PLCB4: variants seen among roughly 807,000 people sequenced by gnomAD.
PLCB4 encodes the protein phospholipase C beta 4.
PLCB4 carries 77 observed loss-of-function variants against 178.8 expected under a neutral mutation model. The ratio of observed to expected loss-of-function variants is 0.43; its 90% confidence interval spans 0.36 to 0.52. The LOEUF (loss-of-function observed/expected upper bound fraction) is 0.52. PLCB4 is among the 20% of genes least tolerant of loss of function. The pLI is 0.00. For missense variants in PLCB4, 1,024 were observed against 1,453.4 expected, an observed-to-expected ratio of 0.70 and a Z score of 4.80; for synonymous variants, 496 against 490.8, an observed-to-expected ratio of 1.01 and a Z score of -0.14.
At chr20:9,404,854 G>T (rs996766604) in intron 20 of PLCB4, among the ~76,000 whole-genome samples, 1 of 152,074 alleles carries the variant, frequency 6.6e-6, no homozygotes, top group Non-Finnish European at 1.5e-5. Flanking sequence ...TCTTGGCTTG[G>T]CCCTCATGAC....
chr20:9,429,598 G>GT (rs1198861152), intron 28 of PLCB4, among the ~76,000 whole-genome samples: 2 of 152,198 alleles, frequency 1.3e-5, no homozygotes, highest in Admixed American at 1.3e-4. Flanking sequence ...AGTTACACAA[G>GT]TAGGTAAGTA....
At chr20:9,331,531 C>T (rs2031649271) in intron 4 of PLCB4, among the ~76,000 whole-genome samples, 1 of 152,158 alleles carries the variant, frequency 6.6e-6, no homozygotes, top group South Asian at 2.1e-4. Flanking sequence ...TTAGCTGTAT[C>T]CCCATCCAAG....
chr20:9,356,641 C>A (rs1164739012), intron 7 of PLCB4, among the ~76,000 whole-genome samples: 3 of 152,204 alleles, frequency 2.0e-5, no homozygotes, highest in Non-Finnish European at 4.4e-5. Flanking sequence ...TGTCTTATTT[C>A]TCTTGAATGC....
chr20:9,211,451 G>T (rs895793280), intron 2 of PLCB4, among the ~76,000 whole-genome samples: 1 of 152,184 alleles, frequency 6.6e-6, no homozygotes, highest in Non-Finnish European at 1.5e-5. Context: ...CCCTGCCTCA[G>T]ACCTACAGTC....
At chr20:9,180,904 A>G (rs1320166305) in intron 2 of PLCB4, among the ~76,000 whole-genome samples, 2 of 152,242 alleles carry the variant, frequency 1.3e-5, no homozygotes, top group East Asian at 3.8e-4. Context: ...ACAAAAATAA[A>G]CAAATGTCCT....
intron 28 of PLCB4, 121 bp from the exon 29 acceptor site, chr20:9,435,439 A>G (rs968521553): frequency 1.7e-6 from 1 of 600,066 alleles, no homozygotes; most frequent in Non-Finnish European, 2.9e-6. Context: ...ATGTCCTAGG[A>G]AAAGATTATT....
intron 3 of PLCB4, among the ~76,000 whole-genome samples, chr20:9,262,928 C>T (rs1156338755): frequency 6.6e-6 from 1 of 152,170 alleles, no homozygotes. Flanking sequence ...AAAATATGAA[C>T]TGGAAAGCTT....
intron 7 of PLCB4, among the ~76,000 whole-genome samples, chr20:9,343,432 G>A (rs936273170): frequency 6.6e-6 from 1 of 152,062 alleles, no homozygotes; most frequent in Non-Finnish European, 1.5e-5. Context: ...TCATATTCAA[G>A]TGGGTGCTTT....
At chr20:9,447,916 A>G (rs2042514178) in intron 32 of PLCB4, among the ~76,000 whole-genome samples, 1 of 152,182 alleles carries the variant, frequency 6.6e-6, no homozygotes, top group African/African-American at 2.4e-5. Flanking sequence ...GGGCACAAAT[A>G]TCTTGGGTTC....
At chr20:9,195,616 C>T (rs546418115) in intron 2 of PLCB4, among the ~76,000 whole-genome samples, 1 of 152,234 alleles carries the variant, frequency 6.6e-6, no homozygotes, top group South Asian at 2.1e-4. Context: ...GACATCGGTG[C>T]TCCTGGTTCT....
intron 3 of PLCB4, among the ~76,000 whole-genome samples, chr20:9,297,923 G>A (rs569555537): frequency 3.4e-4 from 52 of 152,134 alleles, no homozygotes; most frequent in African/African-American, 1.2e-3. Context: ...GTTATACTTC[G>A]TTGTATTCTA....
At chr20:9,082,915 G>A (rs2146524856) in intron 1 of PLCB4, among the ~76,000 whole-genome samples, 1 of 152,288 alleles carries the variant, frequency 6.6e-6, no homozygotes, top group African/African-American at 2.4e-5. Flanking sequence ...CAGTGGCTCT[G>A]CCAGAATCAG....
At chr20:9,399,387 A>T (rs1305911620) in intron 19 of PLCB4, among the ~76,000 whole-genome samples, 1 of 152,216 alleles carries the variant, frequency 6.6e-6, no homozygotes, top group Non-Finnish European at 1.5e-5. Flanking sequence ...AGTCGGCTAT[A>T]ATTACCTTAG....
chr20:9,188,309 C>A (rs1160417620), intron 2 of PLCB4, among the ~76,000 whole-genome samples: 1 of 152,190 alleles, frequency 6.6e-6, no homozygotes, highest in Non-Finnish European at 1.5e-5. Flanking sequence ...ATGGGAAGAA[C>A]ATTATAGGCG....
Position 9,443,982 on chromosome 20 carries a change from T to C in PLCB4, c.2766T>C (p.Gly922=). The change falls in exon 31 of 40, where the codon GGT becomes GGC. Residue 922 remains glycine, a splice_region_variant and synonymous_variant. Coordinates refer to ENST00000378473, the MANE Select transcript of PLCB4 (RefSeq NM_001377142.1). ...ACTTAATTTTTTTTGTTTGTTTAGG[T>C]ATTGAACTTATCCCTCAAGTAAGGA... ...ALASGVEAKK[G]IELIPQVRIE... is the part of the protein sequence containing the mutation. The C allele has an allele frequency of 6.4e-7, 1 of 1,571,380 alleles. No homozygotes were observed. Among genetic ancestry groups the C allele is most frequent in the Non-Finnish European group, 8.7e-7 (1 of 1,148,640 alleles).
intron 2 of PLCB4, among the ~76,000 whole-genome samples, chr20:9,117,009 G>A (rs548895222): frequency 1.5e-4 from 23 of 152,250 alleles, no homozygotes; most frequent in Admixed American, 9.8e-4. Context: ...ATACGAAAGC[G>A]TTGGTTTTTG....
chr20:9,428,541 A>G lies in PLCB4; in HGVS notation c.2524+4589A>G, dbSNP rs552739274. ...ATCTTGTTGCCCAAGCACCTACTGT[A>G]TTTTCTACCATTCTAGGAAATGCAG... On this transcript the variant is annotated intron_variant, in intron 28 of 39. Coordinates refer to ENST00000378473, the MANE Select transcript of PLCB4 (RefSeq NM_001377142.1). Among the ~76,000 whole-genome samples, 10 of 152,212 alleles carry G rather than the reference A, an allele frequency of 6.6e-5. No homozygotes were observed. The East Asian group carries it at 1.4e-3, about 21-fold the overall frequency.
intron 2 of PLCB4, among the ~76,000 whole-genome samples, chr20:9,165,307 G>A (rs1408491362): frequency 6.6e-6 from 1 of 152,168 alleles, no homozygotes; most frequent in African/African-American, 2.4e-5. Context: ...ATTTGGGAAA[G>A]CTTTATAATA....
At chr20:9,274,136 C>T (rs1380916825) in intron 3 of PLCB4, among the ~76,000 whole-genome samples, 1 of 152,072 alleles carries the variant, frequency 6.6e-6, no homozygotes, top group Non-Finnish European at 1.5e-5. Flanking sequence ...TTGAATTCCA[C>T]AGTTCTTGCT....
Sources: gnomAD v4.1 joint callset for allele counts (sites outside exome capture counted in the v4.1 genomes callset) on GRCh38, gnomAD v4.1.1 for gene constraint, MANE v1.5 for transcripts, NCBI Gene and HGNC (gene_info 2026-07-23, HGNC 2026-07-21) for gene names.